Variants in SYNE1 observed in about 807,000 individuals in gnomAD.
The protein encoded by SYNE1 is spectrin repeat containing nuclear envelope protein 1.
In SYNE1, 616 loss-of-function variants were observed where a neutral mutation model predicts 1,111.0. That is an observed-to-expected ratio of 0.55 (90% CI 0.52 to 0.59). The LOEUF is 0.59. Among genes scored for constraint, SYNE1 ranks in the 20% least tolerant of loss-of-function variants. The probability of loss-of-function intolerance (pLI) is 0.00; values close to 1 mark genes in which losing one functional copy is unlikely to be tolerated. For synonymous variants in SYNE1, 3,855 were observed against 3,825.8 expected (o/e 1.01, Z -0.28); for missense variants, 10,006 against 10,417.0 (o/e 0.96, Z 1.72).
intron 93 of SYNE1, among the ~76,000 whole-genome samples, chr6:152,296,824 C>A (rs769778439): frequency 6.6e-6 from 1 of 151,544 alleles, no homozygotes; most frequent in Admixed American, 6.6e-5. Flanking sequence ...GGAGACATTG[C>A]CTCATTTATG....
At chr6:152,485,084 G>A (rs1308518841) in intron 12 of SYNE1, 112 bp from the exon 13 acceptor site, 1 of 1,205,000 alleles carries the variant, frequency 8.3e-7, no homozygotes, top group Non-Finnish European at 1.2e-6. Flanking sequence ...CTCAATATAT[G>A]TTGTTGATAA....
In SYNE1 at chr6:152,337,160, A is replaced by C. The variant is rs557391215; in HGVS notation, c.12352-143T>G. On this transcript the variant is annotated intron_variant, in intron 75 of 145. Coordinates refer to ENST00000367255, the MANE Select transcript of SYNE1 (RefSeq NM_182961.4). The stretch of plus-strand genomic sequence containing the variant: ...GCAAACTCACACACACAAATACATA[A>C]ATTTAAAAAGTACTTCTTTATTTGC... 1.1e-5 allele frequency: 9 copies of C among 786,876 alleles called. No individual in the cohort carries two copies. The South Asian group carries it at 1.6e-4, about 14-fold the overall frequency. 48.7% of individuals were successfully genotyped at this position (786,876 alleles called of 1,614,324 possible).
chr6:152,217,043 A>G (rs2078888059), intron 121 of SYNE1, among the ~76,000 whole-genome samples: 1 of 150,166 alleles, frequency 6.7e-6, no homozygotes, highest in Admixed American at 6.6e-5. Context: ...AGCCTGCGCA[A>G]TAGAGCAAGA....
rs200684943 is a variant in SYNE1, at chr6:152,143,735, C to T, written c.25007G>A (p.Arg8336Gln). ...GDHSALESQI[R>Q]QLGKALDDSR... is the part of the protein sequence containing the mutation. ...ATCATCCAGGGCTTTGCCCAGTTGT[C>T]GGATCTGTGACTCTAGGGCACTGTG... The change falls in exon 138 of 146, where the codon CGA becomes CAA. Residue 8336 changes from arginine to glutamine, a missense_variant. Arg to Gln is a conservative substitution (Grantham distance 43). Coordinates refer to ENST00000367255, the MANE Select transcript of SYNE1 (RefSeq NM_182961.4). The T allele has an allele frequency of 1.7e-5, 27 of 1,614,018 alleles. No homozygotes were observed. The highest frequency in any genetic ancestry group is 1.6e-4 in the Middle Eastern group (1 of 6,084).
In SYNE1 at chr6:152,534,575, T is replaced by G. The variant is rs570806822; in HGVS notation, c.129+5385A>C. On this transcript the variant is annotated intron_variant, in intron 4 of 145. Coordinates refer to ENST00000367255, the MANE Select transcript of SYNE1 (RefSeq NM_182961.4). The stretch of plus-strand genomic sequence containing the variant: ...TGATTAAATCAAGCTAATTAACATA[T>G]CCATCATCTCACCTACTTATTGTAG... 2.3e-4 allele frequency among the ~76,000 whole-genome samples: 35 copies of G among 152,326 alleles called. 1 individual carries two copies. Among genetic ancestry groups the G allele is most frequent in the African/African-American group, 7.2e-4 (30 of 41,584 alleles).
chr6:152,364,635 A>G (rs2097020059), intron 63 of SYNE1, among the ~76,000 whole-genome samples: 1 of 150,446 alleles, frequency 6.6e-6, no homozygotes, highest in Admixed American at 6.6e-5. Flanking sequence ...AAACAGGGGG[A>G]AGGAAGGAAG....
At position 152,262,934 on chromosome 6, in the gene SYNE1, C is replaced by T. The variant is rs113900224; in HGVS notation, c.18816-746G>A. ...GGGCCTGGGAAGGTAGCACAGGACA[C>T]GGGGAGATAGTACAGGGCCTGGGAA... On this transcript the variant is annotated intron_variant, in intron 100 of 145. Coordinates refer to ENST00000367255, the MANE Select transcript of SYNE1 (RefSeq NM_182961.4). Among the ~76,000 whole-genome samples, 964 of 146,516 alleles carry T rather than the reference C, an allele frequency of 6.6e-3. 19 individuals are homozygous for T. Among genetic ancestry groups the T allele is most frequent in the African/African-American group, 0.023 (920 of 39,330 alleles).
At chr6:152,419,792 G>T in intron 39 of SYNE1, 70 bp from the exon 40 acceptor site, 1 of 1,561,064 alleles carries the variant, frequency 6.4e-7, no homozygotes, top group Non-Finnish European at 8.8e-7. Context: ...TGTATTTTGG[G>T]AATTAAGCTT....
At chr6:152,528,601 G>A (rs929102446) in intron 4 of SYNE1, among the ~76,000 whole-genome samples, 1 of 152,190 alleles carries the variant, frequency 6.6e-6, no homozygotes, top group Admixed American at 6.5e-5. Context: ...TTGGGTCATA[G>A]TGCTGAAGGT....
intron 140 of SYNE1, among the ~76,000 whole-genome samples, chr6:152,139,042 C>T (rs2057778853): frequency 6.6e-6 from 1 of 152,188 alleles, no homozygotes; most frequent in African/African-American, 2.4e-5. Context: ...ATGTCCCCCA[C>T]AAATTCATGC....
intron 3 of SYNE1, among the ~76,000 whole-genome samples, chr6:152,607,513 A>G (rs1484145078): frequency 6.6e-6 from 1 of 152,178 alleles, no homozygotes; most frequent in Admixed American, 6.5e-5. Flanking sequence ...GCCAGTCAGA[A>G]TGCTGATTGT....
At chr6:152,621,425 A>C (rs956418332) in intron 3 of SYNE1, among the ~76,000 whole-genome samples, 1 of 152,036 alleles carries the variant, frequency 6.6e-6, no homozygotes, top group Non-Finnish European at 1.5e-5. Flanking sequence ...GACCTTAGAC[A>C]CTCTTACTTT....
chr6:152,568,926 C>A (rs1194947744), intron 3 of SYNE1, among the ~76,000 whole-genome samples: 1 of 152,108 alleles, frequency 6.6e-6, no homozygotes, highest in Non-Finnish European at 1.5e-5. Flanking sequence ...AGCATAATAT[C>A]CAGGGGTAAC....
Position 152,364,853 on chromosome 6 carries a change from C to G in SYNE1, c.10139G>C (p.Cys3380Ser). Residue 3380 changes from cysteine (C) to serine (S), a missense_variant, in exon 63 of 146, where the codon TGT (cysteine) becomes TCT (serine). This residue lies in a region of SYNE1 where 4,955 missense variants were observed against 5,017.2 expected (regional missense o/e 0.99). Coordinates refer to ENST00000367255, the MANE Select transcript of SYNE1 (RefSeq NM_182961.4). ...TGGCTGTAGTTTCCCTCACCTTTTA[C>G]AACGAATCCCTGCAGACAAAAGGGA... Reference protein sequence around the residue: ...WASLLSAGIRCKSQLEGALSK... With the variant: ...WASLLSAGIRSKSQLEGALSK... 6.2e-7 allele frequency: 1 copy of G among 1,614,150 alleles called. No individual in the cohort carries two copies.
At chr6:152,284,294 T>C (rs1289846070) in intron 95 of SYNE1, 122 bp from the exon 96 acceptor site, 13 of 1,033,710 alleles carry the variant, frequency 1.3e-5, no homozygotes, top group Non-Finnish European at 1.5e-5. Context: ...GAATCATTAA[T>C]CAATCAACAA....
At chr6:152,536,976 A>G (rs763441392) in intron 4 of SYNE1, among the ~76,000 whole-genome samples, 15 of 152,194 alleles carry the variant, frequency 9.9e-5, no homozygotes, top group South Asian at 2.1e-4. Flanking sequence ...TGTTTTCTCA[A>G]TAAGTGCTGA....
At chr6:152,442,878 C>T (rs1017922423) in intron 30 of SYNE1, among the ~76,000 whole-genome samples, 3 of 152,048 alleles carry the variant, frequency 2.0e-5, no homozygotes, top group Non-Finnish European at 2.9e-5. Flanking sequence ...CCCAGGAGTT[C>T]GAGGCTGCAG....
At chr6:152,551,475 G>A (rs962419156) in intron 3 of SYNE1, among the ~76,000 whole-genome samples, 5 of 152,102 alleles carry the variant, frequency 3.3e-5, no homozygotes, top group Admixed American at 6.6e-5. Context: ...TGTACCAGCC[G>A]TTCTGCTGAC....
At chr6:152,331,954 C>T (rs1312832742) in intron 77 of SYNE1, 64 bp from the exon 78 acceptor site, 1 of 1,595,904 alleles carries the variant, frequency 6.3e-7, no homozygotes, top group Non-Finnish European at 8.5e-7. Context: ...TTTGTTCATA[C>T]TATGCTAAAT....
Sources: allele counts gnomAD v4.1 joint callset (sites outside exome capture counted in the v4.1 genomes callset), GRCh38; gene constraint gnomAD v4.1.1; regional missense constraint gnomAD v4.1.1; transcripts MANE v1.5; gene names NCBI Gene and HGNC (gene_info 2026-07-23, HGNC 2026-07-21).